The following NNMT variants were observed in gnomAD, a reference collection of about 807,000 sequenced individuals.
NNMT encodes the protein nicotinamide N-methyltransferase.
NNMT carries 10 observed loss-of-function variants against 11.7 expected under a neutral mutation model. That is an observed-to-expected ratio of 0.85 (90% CI 0.53 to 1.45). The LOEUF is 1.45. Among genes scored for constraint, NNMT ranks in the 40% most tolerant of loss-of-function variants. The pLI, the probability that NNMT is intolerant of heterozygous loss-of-function variation, is 0.00. For missense variants in NNMT, 381 were observed against 319.4 expected, an observed-to-expected ratio of 1.19 and a Z score of -1.47; for synonymous variants, 143 against 133.8, an observed-to-expected ratio of 1.07 and a Z score of -0.48.
intron 1 of NNMT, among the ~76,000 whole-genome samples, chr11:114,261,935 T>C (rs1430475559): frequency 6.6e-6 from 1 of 152,046 alleles, no homozygotes; most frequent in Non-Finnish European, 1.5e-5. Context: ...CAACCTCAGA[T>C]GGAATTCAGC....
At chr11:114,303,088 C>T (rs1941401) in intron 2 of NNMT, among the ~76,000 whole-genome samples, 12,266 of 152,200 alleles carry the variant, frequency 0.081, 569 homozygotes, top group Middle Eastern at 0.15. Context: ...CTATATTATG[C>T]ATATATTTAA....
chr11:114,306,785 T>C (rs542948716), intron 2 of NNMT, among the ~76,000 whole-genome samples: 1 of 152,100 alleles, frequency 6.6e-6, no homozygotes, highest in East Asian at 1.9e-4. Flanking sequence ...GGTAGTGTGC[T>C]CCTCTTAACC....
At chr11:114,263,426 C>T (rs774875635) in intron 2 of NNMT, among the ~76,000 whole-genome samples, 7 of 152,202 alleles carry the variant, frequency 4.6e-5, no homozygotes, top group Admixed American at 2.0e-4. Flanking sequence ...TGACTGTGTG[C>T]TTACTTAGCA....
rs1244187396 is a variant in NNMT, at chr11:114,296,709, A to G, written c.153A>G (p.Leu51=). 5.6e-6 allele frequency: 9 copies of G among 1,614,146 alleles called. No homozygotes were observed. Among genetic ancestry groups the G allele is most frequent in the Admixed American group, 1.7e-5 (1 of 60,026 alleles). The change falls in exon 1 of 3, where the codon CTA becomes CTG. Residue 51 remains leucine, a splice_region_variant and synonymous_variant. Coordinates refer to ENST00000299964, the MANE Select transcript of NNMT (RefSeq NM_006169.3). ...AAAATCTTTTCAAGATATTCTGCCT[A>G]GGTAAGTCTGTTGTCTGCATGTCTC... is the stretch of plus-strand genomic sequence containing the variant. ...LLKNLFKIFC[L]DGVKGDLLID...
At chr11:114,264,252 C>T (rs1945103937) in intron 2 of NNMT, among the ~76,000 whole-genome samples, 1 of 152,048 alleles carries the variant, frequency 6.6e-6, no homozygotes, top group African/African-American at 2.4e-5. Flanking sequence ...CCATATTTCT[C>T]TCTTCCTTGG....
intron 2 of NNMT, among the ~76,000 whole-genome samples, chr11:114,289,879 T>C (rs1390524951): frequency 1.3e-5 from 2 of 152,206 alleles, no homozygotes; most frequent in East Asian, 3.9e-4. Flanking sequence ...GAGATTTGAT[T>C]CTCATAGTTC....
upstream of NNMT, among the ~76,000 whole-genome samples, chr11:114,292,173 A>G (rs1433764107): frequency 1.3e-5 from 2 of 152,186 alleles, no homozygotes; most frequent in Non-Finnish European, 2.9e-5. Context: ...TACATATAAC[A>G]TTCTGTCAAA....
At chr11:114,294,676 G>T (rs948398808), upstream of NNMT, among the ~76,000 whole-genome samples, 3 of 151,744 alleles carry the variant, frequency 2.0e-5, no homozygotes, top group African/African-American at 7.3e-5. Flanking sequence ...ATTTTGTATT[G>T]CAGGCCTCTA....
intron 2 of NNMT, among the ~76,000 whole-genome samples, chr11:114,305,385 C>T (rs1214831866): frequency 1.3e-5 from 2 of 151,486 alleles, no homozygotes; most frequent in African/African-American, 2.4e-5. Context: ...TTCTAGGGTA[C>T]ATGTGCACAA....
chr11:114,298,287 A>T (rs1223239843), intron 2 of NNMT, 129 bp downstream of exon 2: 6 of 739,716 alleles, frequency 8.1e-6, no homozygotes, highest in Non-Finnish European at 1.3e-5. Context: ...AGCGAGAGCA[A>T]GAGAGATGAG....
chr11:114,273,280 T>G (rs1359555223), intron 2 of NNMT, among the ~76,000 whole-genome samples: 1 of 152,204 alleles, frequency 6.6e-6, no homozygotes, highest in Admixed American at 6.5e-5. Context: ...CGAGAGGCGC[T>G]TCTTGCTGAA....
chr11:114,258,964 C>T (rs750983810), intron 1 of NNMT, among the ~76,000 whole-genome samples: 4 of 152,188 alleles, frequency 2.6e-5, no homozygotes, highest in Non-Finnish European at 4.4e-5. Flanking sequence ...TTTCACTTTT[C>T]AGCTCAAACC....
chr11:114,308,526 C>T (rs565966242), intron 2 of NNMT, among the ~76,000 whole-genome samples: 1 of 152,264 alleles, frequency 6.6e-6, no homozygotes, highest in African/African-American at 2.4e-5. Flanking sequence ...CCCTCCCTTC[C>T]TCCCCATACC....
At chr11:114,311,398 C>A (rs564018537) in intron 2 of NNMT, among the ~76,000 whole-genome samples, 2 of 152,290 alleles carry the variant, frequency 1.3e-5, no homozygotes, top group Non-Finnish European at 2.9e-5. Flanking sequence ...GGGTTCCTGG[C>A]AAGGCTACCA....
chr11:114,293,053 C>A (rs559338922), upstream of NNMT, among the ~76,000 whole-genome samples: 2 of 152,282 alleles, frequency 1.3e-5, no homozygotes, highest in East Asian at 3.9e-4. Flanking sequence ...TTCCAGTTGT[C>A]CATTTTACAA....
At chr11:114,284,013 A>C (rs891792367) in intron 2 of NNMT, among the ~76,000 whole-genome samples, 1 of 152,234 alleles carries the variant, frequency 6.6e-6, no homozygotes, top group African/African-American at 2.4e-5. Flanking sequence ...AAGAAAAATC[A>C]ATGGAACAGA....
chr11:114,280,397 T>A (rs1945250835), intron 2 of NNMT, among the ~76,000 whole-genome samples: 1 of 151,976 alleles, frequency 6.6e-6, no homozygotes, highest in Admixed American at 6.5e-5. Context: ...AGCCCAGTAG[T>A]CACCCTTTCA....
chr11:114,288,500 C>T (rs1362975395), intron 2 of NNMT, among the ~76,000 whole-genome samples: 6 of 150,944 alleles, frequency 4.0e-5, no homozygotes, highest in Non-Finnish European at 8.8e-5. Context: ...TTAACATGTA[C>T]ATGTGATGAT....
rs534449862 is a variant in NNMT, at chr11:114,279,106, C to T, written c.-130+16172C>T. ...AACATTCACATTGGGAGACTATTGG[C>T]TCCTTTGATCCTCAAGTCACCATAT... On this transcript the variant is annotated intron_variant, in intron 2 of 4. Coordinates refer to the NNMT transcript ENST00000535401. Among the ~76,000 whole-genome samples, 74 of 152,288 alleles carry T rather than the reference C, an allele frequency of 4.9e-4. No individual in the cohort carries two copies. The South Asian group carries it at 0.015, about 31-fold the overall frequency.
Sources: allele counts gnomAD v4.1 joint callset (sites outside exome capture counted in the v4.1 genomes callset), GRCh38; gene constraint gnomAD v4.1.1; transcripts MANE v1.5; gene names NCBI Gene and HGNC (gene_info 2026-07-23, HGNC 2026-07-21).